The following ORC3 variants were observed in gnomAD, a reference collection of about 807,000 sequenced individuals.
ORC3 encodes the protein homolog of latheo, Drosophila.
In ORC3, 78 loss-of-function variants were observed where a neutral mutation model predicts 100.7. The observed-to-expected ratio is 0.77, with a 90% CI of 0.65 to 0.94. The LOEUF is 0.94. Among genes scored for constraint, ORC3 ranks in the 40% least tolerant of loss-of-function variants. The probability of loss-of-function intolerance (pLI) is 0.00; values close to 1 mark genes in which losing one functional copy is unlikely to be tolerated. For missense variants in ORC3, 789 were observed against 823.9 expected (o/e 0.96, Z 0.52); for synonymous variants, 295 against 289.3 (o/e 1.02, Z -0.20).
At chr6:87,614,268 G>A (rs1343699891) in intron 8 of ORC3, among the ~76,000 whole-genome samples, 3 of 152,198 alleles carry the variant, frequency 2.0e-5, no homozygotes, top group Non-Finnish European at 4.4e-5. Flanking sequence ...TTCAGCCACA[G>A]CTGGAGTGGC....
intron 11 of ORC3, among the ~76,000 whole-genome samples, chr6:87,629,543 T>C (rs963950496): frequency 6.6e-6 from 1 of 152,150 alleles, no homozygotes; most frequent in Non-Finnish European, 1.5e-5. Flanking sequence ...GTCTGTCATA[T>C]AAGTAAACAG....
At chr6:87,643,734 TTTTC>T (rs1768469659) in intron 13 of ORC3, among the ~76,000 whole-genome samples, 1 of 152,162 alleles carries the variant, frequency 6.6e-6, no homozygotes, top group Non-Finnish European at 1.5e-5. Context: ...TTGACAACTC[TTTTC>T]TTTCTTTCTT....
At chr6:87,642,148 T>C (rs1205103638) in intron 13 of ORC3, among the ~76,000 whole-genome samples, 1 of 151,938 alleles carries the variant, frequency 6.6e-6, no homozygotes, top group Non-Finnish European at 1.5e-5. Context: ...ATACAAAAAG[T>C]ATATGAGCGT....
intron 13 of ORC3, among the ~76,000 whole-genome samples, chr6:87,649,510 G>A (rs535911405): frequency 1.8e-4 from 28 of 152,162 alleles, no homozygotes; most frequent in Non-Finnish European, 3.4e-4. Context: ...CACTTTGAGA[G>A]GCCGAGGCGG....
chr6:87,663,508 A>C (rs147118231), intron 17 of ORC3, among the ~76,000 whole-genome samples: 40 of 152,378 alleles, frequency 2.6e-4, no homozygotes, highest in Non-Finnish European at 5.4e-4. Flanking sequence ...ATGGCCTAAT[A>C]AATTACTGAA....
At chr6:87,614,333 G>A (rs764432241) in intron 8 of ORC3, among the ~76,000 whole-genome samples, 1 of 152,200 alleles carries the variant, frequency 6.6e-6, no homozygotes, top group Admixed American at 6.5e-5. Context: ...TCTGGGCCCA[G>A]CCCGTGAAAT....
chr6:87,666,669 C>T (rs1298487392), intron 19 of ORC3, among the ~76,000 whole-genome samples: 2 of 151,564 alleles, frequency 1.3e-5, no homozygotes, highest in Non-Finnish European at 2.9e-5. Flanking sequence ...GAACTCCTGA[C>T]CTTAGGTGAT....
In ORC3 at chr6:87,647,663, A is replaced by G. The variant is rs112963572; in HGVS notation, c.1383-5453A>G. ...TGAGGACAGTGATTTTTGATTCAAT[A>G]AGGTGTACCTCAAATGCCCAGAACA... On this transcript the variant is annotated intron_variant, in intron 13 of 19. Transcript: ENST00000392844. Among the ~76,000 whole-genome samples, 660 of 152,318 alleles carry G rather than the reference A, an allele frequency of 4.3e-3. 3 individuals are homozygous for G. Among genetic ancestry groups the G allele is most frequent in the African/African-American group, 0.015 (632 of 41,580 alleles).
At chr6:87,662,947 A>G (rs1770308445) in intron 16 of ORC3, 56 bp from the exon 17 acceptor site, 2 of 1,205,958 alleles carry the variant, frequency 1.7e-6, no homozygotes, top group East Asian at 2.6e-5. Context: ...TATATTATAT[A>G]TAAAGAAAAT....
downstream of ORC3, among the ~76,000 whole-genome samples, chr6:87,668,030 A>G (rs1257616481): frequency 6.6e-6 from 1 of 152,220 alleles, no homozygotes; most frequent in Non-Finnish European, 1.5e-5. Context: ...ATCACATCCC[A>G]AACAAATACA....
the ORC3 span, among the ~76,000 whole-genome samples, chr6:87,674,302 CA>C: frequency 0.058 from 5,036 of 86,998 alleles, 273 homozygotes; most frequent in African/African-American, 0.2. Flanking sequence ...AACTCTATCT[CA>C]AAAAAAAAAA....
At chr6:87,615,268 A>C (rs758311784) in intron 8 of ORC3, among the ~76,000 whole-genome samples, 1 of 152,150 alleles carries the variant, frequency 6.6e-6, no homozygotes, top group Non-Finnish European at 1.5e-5. Context: ...CCCATGATTC[A>C]GTTACCTCCC....
At chr6:87,677,798 C>A in the ORC3 span, 2 of 1,608,614 alleles carry the variant, frequency 1.2e-6, no homozygotes, top group Non-Finnish European at 8.5e-7. Context: ...CTCAGAAACT[C>A]TAATAAACAC....
Position 87,609,091 on chromosome 6 carries a change from A to G in ORC3, c.580-5A>G, listed in dbSNP as rs1266316613. On this transcript the variant is annotated splice_region_variant and splice_polypyrimidine_tract_variant and intron_variant, in intron 6 of 19. Coordinates refer to ENST00000392844, the MANE Select transcript of ORC3 (RefSeq NM_012381.4). Reference sequence around the variant, plus strand: ...TAACTCTTTCTTTCTGCAATGGCTTAAAAGAAGACGGACCCAAAAATGCTA... The same window carrying G: ...TAACTCTTTCTTTCTGCAATGGCTTGAAAGAAGACGGACCCAAAAATGCTA... 2 of 1,594,730 alleles carry G rather than the reference A, an allele frequency of 1.3e-6. No homozygotes were observed. The highest frequency in any genetic ancestry group is 1.4e-5 in the African/African-American group (1 of 73,796).
chr6:87,617,705 G>T (rs1281264350), intron 9 of ORC3, among the ~76,000 whole-genome samples: 2 of 152,162 alleles, frequency 1.3e-5, no homozygotes, highest in African/African-American at 4.8e-5. Context: ...CTGCACTCTA[G>T]CCTGGGTGAC....
intron 9 of ORC3, among the ~76,000 whole-genome samples, chr6:87,618,571 C>A (rs879822546): frequency 1.3e-5 from 2 of 152,006 alleles, no homozygotes; most frequent in Non-Finnish European, 2.9e-5. Context: ...GAAATAGGAG[C>A]GAGCCAGGTC....
At chr6:87,637,741 T>G (rs187175499) in intron 13 of ORC3, among the ~76,000 whole-genome samples, 3 of 152,170 alleles carry the variant, frequency 2.0e-5, no homozygotes, top group African/African-American at 7.2e-5. Context: ...ACACCAGTTG[T>G]CTTAGGGTAC....
At chr6:87,649,154 A>G (rs905817000) in intron 13 of ORC3, among the ~76,000 whole-genome samples, 2 of 152,164 alleles carry the variant, frequency 1.3e-5, no homozygotes, top group African/African-American at 2.4e-5. Context: ...ATTTTTGTGT[A>G]TAAGGTGAGA....
intron 18 of ORC3, 101 bp from the exon 19 acceptor site, chr6:87,665,653 A>G: frequency 1.5e-6 from 1 of 669,764 alleles, no homozygotes; most frequent in South Asian, 1.7e-5. Context: ...GATATAATGA[A>G]GAATATGTGC....
Sources: allele counts gnomAD v4.1 joint callset (sites outside exome capture counted in the v4.1 genomes callset), GRCh38; gene constraint gnomAD v4.1.1; transcripts MANE v1.5; gene names NCBI Gene and HGNC (gene_info 2026-07-23, HGNC 2026-07-21).